Variants in AFG2A observed in about 807,000 individuals in gnomAD.
AFG2A encodes ATPase family gene 2 protein homolog A.
the AFG2A span, among the ~76,000 whole-genome samples, chr4:123,059,174 T>C: frequency 6.6e-6 from 1 of 150,656 alleles, no homozygotes; most frequent in African/African-American, 2.4e-5. Flanking sequence ...TTATTATACT[T>C]TAAGTTTTAG....
the AFG2A span, among the ~76,000 whole-genome samples, chr4:123,076,539 G>A: frequency 6.7e-6 from 1 of 149,262 alleles, no homozygotes; most frequent in African/African-American, 2.5e-5. Context: ...CATTTAGATT[G>A]CCTTTATTTT....
chr4:122,979,302 G>A, the AFG2A span: 1 of 1,614,216 alleles, frequency 6.2e-7, no homozygotes, highest in South Asian at 1.1e-5. Flanking sequence ...CTGGACTGGT[G>A]AAGATTACTC....
At chr4:123,201,082 C>A in the AFG2A span, among the ~76,000 whole-genome samples, 1 of 152,234 alleles carries the variant, frequency 6.6e-6, no homozygotes, top group Non-Finnish European at 1.5e-5. Context: ...TGCCTATGTT[C>A]TTTACCAAAT....
chr4:123,153,892 C>T, the AFG2A span, among the ~76,000 whole-genome samples: 57 of 152,174 alleles, frequency 3.7e-4, no homozygotes, highest in East Asian at 6.4e-3. Context: ...CAGTGCAAAC[C>T]AGGAGGCAGT....
the AFG2A span, among the ~76,000 whole-genome samples, chr4:123,101,174 C>G: frequency 6.6e-6 from 1 of 151,568 alleles, no homozygotes; most frequent in Non-Finnish European, 1.5e-5. Flanking sequence ...TTCAAGATCC[C>G]CAATCTAGGT....
At chr4:123,259,304 G>A in the AFG2A span, among the ~76,000 whole-genome samples, 4 of 152,272 alleles carry the variant, frequency 2.6e-5, 1 homozygote, top group South Asian at 6.2e-4. Context: ...GCTCCTTCTG[G>A]TCAAAGTTAC....
chr4:122,936,199 T>C, the AFG2A span: 3 of 1,509,492 alleles, frequency 2.0e-6, no homozygotes, highest in Non-Finnish European at 2.7e-6. Flanking sequence ...TAATCAAGGC[T>C]GTATTAGTCA....
chr4:122,946,162 A>G, the AFG2A span, among the ~76,000 whole-genome samples: 1 of 152,248 alleles, frequency 6.6e-6, no homozygotes, highest in South Asian at 2.1e-4. Context: ...ACTGTTAAGC[A>G]GACCAAATGT....
the AFG2A span, among the ~76,000 whole-genome samples, chr4:123,076,458 A>G: frequency 1.3e-5 from 2 of 152,140 alleles, no homozygotes; most frequent in African/African-American, 2.4e-5. Context: ...ACAGTTATTT[A>G]TGTTTGCAAC....
chr4:123,226,245 T>C, the AFG2A span, among the ~76,000 whole-genome samples: 39 of 152,294 alleles, frequency 2.6e-4, no homozygotes, highest in Non-Finnish European at 4.4e-5. Context: ...CTTCCAACAC[T>C]ATGTTGAATA....
At chr4:123,244,997 A>T in the AFG2A span, among the ~76,000 whole-genome samples, 1 of 152,234 alleles carries the variant, frequency 6.6e-6, no homozygotes, top group South Asian at 2.1e-4. Flanking sequence ...TAGAGAAGAA[A>T]ATGACAGTTT....
chr4:123,050,437 G>GTC, the AFG2A span, among the ~76,000 whole-genome samples: 1 of 152,166 alleles, frequency 6.6e-6, no homozygotes, highest in Admixed American at 6.5e-5. Flanking sequence ...ATTGCAGTCT[G>GTC]TCTCTCTCGA....
At chr4:123,280,304 T>C in the AFG2A span, among the ~76,000 whole-genome samples, 2 of 152,210 alleles carry the variant, frequency 1.3e-5, no homozygotes, top group Non-Finnish European at 2.9e-5. Flanking sequence ...ATTGGTGTTA[T>C]TCTACCACTA....
the AFG2A span, among the ~76,000 whole-genome samples, chr4:123,308,285 A>T: frequency 6.6e-6 from 1 of 152,220 alleles, no homozygotes; most frequent in Non-Finnish European, 1.5e-5. Context: ...ACATCACAGT[A>T]TTAAACAATT....
the AFG2A span, among the ~76,000 whole-genome samples, chr4:123,201,203 C>T: frequency 6.6e-6 from 1 of 152,120 alleles, no homozygotes; most frequent in Non-Finnish European, 1.5e-5. Flanking sequence ...TGTAAGTTCA[C>T]CTTAGACTTA....
the AFG2A span, among the ~76,000 whole-genome samples, chr4:123,258,402 G>C: frequency 3.5e-4 from 54 of 152,118 alleles, no homozygotes; most frequent in Admixed American, 1.3e-4. Flanking sequence ...CTCTCTCTCT[G>C]TTTCTCTGTC....
At chr4:123,265,286 A>G in the AFG2A span, among the ~76,000 whole-genome samples, 1 of 152,140 alleles carries the variant, frequency 6.6e-6, no homozygotes. Context: ...AAAGCGTTAT[A>G]GAATGGAAAT....
chr4:123,216,777 T>G, the AFG2A span, among the ~76,000 whole-genome samples: 1 of 151,958 alleles, frequency 6.6e-6, no homozygotes, highest in Non-Finnish European at 1.5e-5. Flanking sequence ...GCCTCAGCCT[T>G]CTGAGTAGCT....
the AFG2A span, among the ~76,000 whole-genome samples, chr4:123,071,219 G>A: frequency 2.6e-5 from 4 of 152,132 alleles, no homozygotes; most frequent in East Asian, 1.9e-4. Context: ...GGTGGCTCAC[G>A]CCTGTAATCC....
Sources: gnomAD v4.1 joint callset for allele counts (sites outside exome capture counted in the v4.1 genomes callset) on GRCh38, gnomAD v4.1.1 for gene constraint, MANE v1.5 for transcripts, NCBI Gene and HGNC (gene_info 2026-07-23, HGNC 2026-07-21) for gene names.